The following NBPF14 variants were observed in gnomAD, a reference collection of about 807,000 sequenced individuals.
The protein encoded by NBPF14 is NBPF member 14.
A neutral mutation model predicts 91.2 loss-of-function variants in NBPF14; 104 were observed. That is an observed-to-expected ratio of 1.14 (90% CI 0.97 to 1.34). The LOEUF (loss-of-function observed/expected upper bound fraction) is 1.34, where lower values mean the gene tolerates loss of function less well. NBPF14 is among the 40% of genes most tolerant of loss of function. The pLI is 0.00. For synonymous variants in NBPF14, 294 were observed against 303.8 expected (o/e 0.97, Z 0.34); for missense variants, 908 against 783.0 (o/e 1.16, Z -1.91).
intron 64 of NBPF14, among the ~76,000 whole-genome samples, 193 bp from the exon 65 acceptor site, chr1:148,538,199 G>A (rs1655335567): frequency 7.7e-5 from 4 of 51,710 alleles, no homozygotes; most frequent in Non-Finnish European, 1.5e-4. Context: ...GAGAAAGACA[G>A]ATAGACACAC....
In NBPF14 at chr1:148,587,422, A is replaced by G. The variant is rs1386112024; in HGVS notation, c.989-19T>C. ...TCATATTCTGAGAAAAGACAGACACACCTACCTCAGTGGAAGGCTGGACAT... is the reference window on the plus strand; with the variant it reads ...TCATATTCTGAGAAAAGACAGACACGCCTACCTCAGTGGAAGGCTGGACAT... On this transcript the variant is annotated intron_variant, in intron 7 of 70. Coordinates refer to ENST00000619423, the Ensembl canonical transcript of NBPF14. 8.9e-6 allele frequency: 14 copies of G among 1,565,154 alleles called. No homozygotes were observed. Among genetic ancestry groups the G allele is most frequent in the Admixed American group, 5.1e-5 (3 of 59,166 alleles).
intron 8 of NBPF14, among the ~76,000 whole-genome samples, chr1:148,586,855 G>C (rs1485957203): frequency 3.2e-4 from 44 of 139,674 alleles, no homozygotes; most frequent in African/African-American, 1.1e-3. Context: ...ATGAGGCCAG[G>C]TGCAGATGGG....
chr1:148,561,786 C>T (rs1396365125), intron 34 of NBPF14, among the ~76,000 whole-genome samples: 4 of 116,484 alleles, frequency 3.4e-5, no homozygotes, highest in African/African-American at 1.5e-4. Context: ...GACACACACA[C>T]ACACACACAC....
At chr1:148,560,275 A>T (rs1657586672) in intron 36 of NBPF14, among the ~76,000 whole-genome samples, 1 of 144,902 alleles carries the variant, frequency 6.9e-6, no homozygotes, top group Non-Finnish European at 1.5e-5. Context: ...TGCCCTCATG[A>T]CACACAGCAA....
At chr1:148,561,784 C>A (rs1314754134) in intron 34 of NBPF14, among the ~76,000 whole-genome samples, 1 of 118,790 alleles carries the variant, frequency 8.4e-6, no homozygotes, top group South Asian at 2.8e-4. Context: ...TAGACACACA[C>A]ACACACACAC....
chr1:148,534,549 C>A (rs1282274707), intron 69 of NBPF14, 135 bp downstream of exon 69: 74 of 716,716 alleles, frequency 1.0e-4, no homozygotes, highest in Middle Eastern at 7.2e-4. Context: ...AGTTTCATTA[C>A]AACCTATATG....
chr1:148,595,356 T>C (rs1663151074), intron 2 of NBPF14, among the ~76,000 whole-genome samples, 187 bp downstream of exon 2: 1 of 148,336 alleles, frequency 6.7e-6, no homozygotes, highest in Admixed American at 6.7e-5. Context: ...ATTGCAAACA[T>C]GGAAAGTTGC....
chr1:148,538,005 G>C lies in NBPF14; in HGVS notation c.7936C>G (p.Leu2646Val), dbSNP rs1310601323. The C allele has an allele frequency of 3.2e-5, 11 of 342,822 alleles. 1 individual carries two copies. In the East Asian group the frequency reaches 9.1e-4, roughly 28 times the overall value. The allele number at this position is 342,822 out of a possible 1,614,324, so 21.2% of individuals were successfully genotyped here. A position where few individuals can be genotyped will look rare whatever the true frequency, so the allele number is the denominator to read the frequency against. The change falls in exon 65 of 71, where the codon CTC becomes GTC. Residue 2646 changes from leucine to valine, a missense_variant and splice_region_variant. Physicochemically the swap from Leu to Val is conservative, Grantham distance 32 (BLOSUM62 1). Around this residue, in one of 13 missense-constraint regions of NBPF14, gnomAD observed 279 missense variants for 107.7 expected, o/e 2.59. Transcript: ENST00000619423. Reference sequence around the variant, plus strand: ...ACTACCTCCAGGAGCTCCCTGCTGAGCCTGGAAAAGGAGGAAAAAGTAAAG... The same window carrying C: ...ACTACCTCCAGGAGCTCCCTGCTGACCCTGGAAAAGGAGGAAAAAGTAAAG...
chr1:148,593,893 G>A (rs1307271567), intron 2 of NBPF14, among the ~76,000 whole-genome samples, 193 bp from the exon 3 acceptor site: 6 of 149,864 alleles, frequency 4.0e-5, no homozygotes, highest in South Asian at 2.1e-4. Context: ...ATTTAAAGAC[G>A]AAGAAAGAGA....
Position 148,559,841 on chromosome 1 carries a change from A to G in NBPF14, c.4681T>C (p.Phe1561Leu), listed in dbSNP as rs1657397364. The G allele has an allele frequency of 8.5e-6, 13 of 1,530,478 alleles. 3 individuals carry two copies. In the East Asian group the frequency reaches 2.7e-4, roughly 32 times the overall value. The allele number at this position is 1,530,478 out of a possible 1,614,324, so 94.8% of individuals were successfully genotyped here. The change falls in exon 37 of 71, where the codon TTT (phenylalanine) becomes CTT (leucine). Residue 1561 changes from phenylalanine (F) to leucine (L), a missense_variant. Phe to Leu is a conservative substitution (Grantham distance 22, BLOSUM62 0). Transcript: ENST00000619423. ...ACACGCTGCTGCTCCAATATGTAAAAGGCACTTCTATAGGGCTGGCATGAG... is the reference window on the plus strand; with the variant it reads ...ACACGCTGCTGCTCCAATATGTAAAGGGCACTTCTATAGGGCTGGCATGAG...
In NBPF14 at chr1:148,579,106, TC is replaced by T; in HGVS notation, c.1768del (p.Glu590AsnfsTer10). The stretch of plus-strand genomic sequence containing the variant: ...GTCAACAGCCATGCAGACTTGCTGT[TC>T]CTCTAATGAGTGAAATGTGCTGCTG... On this transcript the variant is annotated frameshift_variant, in exon 13 of 71. Coordinates refer to ENST00000619423, the Ensembl canonical transcript of NBPF14. LOFTEE classifies it high-confidence loss of function. The T allele has an allele frequency of 7.9e-6, 4 of 506,346 alleles. No homozygotes were observed. Among genetic ancestry groups the T allele is most frequent in the Non-Finnish European group, 1.4e-5 (4 of 291,930 alleles). 31.4% of individuals were successfully genotyped at this position (506,346 alleles called of 1,614,324 possible). A position where few individuals can be genotyped will look rare whatever the true frequency, so the allele number is the denominator to read the frequency against.
Position 148,539,215 on chromosome 1 carries a change from G to C in NBPF14, c.7882+195C>G, listed in dbSNP as rs1484776593. Among the ~76,000 whole-genome samples, 5 of 96,922 alleles carry C rather than the reference G, an allele frequency of 5.2e-5. 2 individuals carry two copies. Among genetic ancestry groups the C allele is most frequent in the African/African-American group, 2.2e-4 (4 of 18,154 alleles). The allele number at this position is 96,922 out of a possible 152,430, so 63.6% of individuals were successfully genotyped here. ...CAGGCATGGCTGGAGACTAGGAATA[G>C]AGCCTTGCTCACTGACCCATTTCAT... On this transcript the variant is annotated intron_variant, in intron 63 of 70. Coordinates refer to ENST00000619423, the Ensembl canonical transcript of NBPF14.
At chr1:148,557,067 C>A (rs1162509050) in intron 40 of NBPF14, among the ~76,000 whole-genome samples, 3,394 of 115,952 alleles carry the variant, frequency 0.029, no homozygotes, top group Middle Eastern at 0.076. Context: ...TAGACACACA[C>A]ACACACACAC....
intron 34 of NBPF14, among the ~76,000 whole-genome samples, 196 bp from the exon 35 acceptor site, chr1:148,561,775 A>G (rs1374298391): frequency 4.9e-5 from 4 of 81,640 alleles, no homozygotes; most frequent in Non-Finnish European, 8.2e-5. Flanking sequence ...AAAGACAGAT[A>G]GACACACACA....
intron 8 of NBPF14, 34 bp downstream of exon 8, chr1:148,587,267 T>A (rs1266413812): frequency 5.9e-6 from 9 of 1,515,480 alleles, no homozygotes; most frequent in East Asian, 2.2e-5. Context: ...TTTACACACC[T>A]GCCCCCCTGC....
chr1:148,535,990 T>C (rs1655124157), intron 67 of NBPF14, among the ~76,000 whole-genome samples: 1 of 150,754 alleles, frequency 6.6e-6, no homozygotes, highest in African/African-American at 2.4e-5. Context: ...ATCTTGAGAG[T>C]AGGATTAGGG....
Position 148,534,963 on chromosome 1 carries a change from A to G in NBPF14, c.8442-107T>C. 3 of 740,822 alleles carry G rather than the reference A, an allele frequency of 4.0e-6. 1 individual carries two copies. The highest frequency in any genetic ancestry group is 5.1e-5 in the East Asian group (2 of 39,576). 45.9% of individuals were successfully genotyped at this position (740,822 alleles called of 1,614,324 possible). On this transcript the variant is annotated intron_variant, in intron 68 of 70. Transcript: ENST00000619423. ...AAGGAACAGTTTAAAAAGAAAAAGGACAGATCCATTAATGAGGTAACGAAT... is the reference window on the plus strand; with the variant it reads ...AAGGAACAGTTTAAAAAGAAAAAGGGCAGATCCATTAATGAGGTAACGAAT...
chr1:148,586,105 T>C lies in NBPF14; in HGVS notation c.1306+150A>G, dbSNP rs1661494796. Reference sequence around the variant, plus strand: ...CAACCCCATGGGTTTCCCATCTCCGTTCTTACCCAAGAAGTCCTGGTCATG... The same window carrying C: ...CAACCCCATGGGTTTCCCATCTCCGCTCTTACCCAAGAAGTCCTGGTCATG... On this transcript the variant is annotated intron_variant, in intron 9 of 70. Coordinates refer to ENST00000619423, the Ensembl canonical transcript of NBPF14. 3 of 603,532 alleles carry C rather than the reference T, an allele frequency of 5.0e-6. No individual in the cohort carries two copies. In the African/African-American group the frequency reaches 5.6e-5, roughly 11 times the overall value. 37.4% of individuals were successfully genotyped at this position (603,532 alleles called of 1,614,324 possible). A position where few individuals can be genotyped will look rare whatever the true frequency, so the allele number is the denominator to read the frequency against.
chr1:148,535,255 T>G (rs1241344653), intron 68 of NBPF14, among the ~76,000 whole-genome samples, 198 bp downstream of exon 68: 1 of 150,740 alleles, frequency 6.6e-6, no homozygotes, highest in Non-Finnish European at 1.5e-5. Context: ...ATGGTCAACC[T>G]ACAGTAAGTG....
Sources: allele counts gnomAD v4.1 joint callset (sites outside exome capture counted in the v4.1 genomes callset), GRCh38; gene constraint gnomAD v4.1.1; regional missense constraint gnomAD v4.1.1; transcripts MANE v1.5; gene names NCBI Gene and HGNC (gene_info 2026-07-23, HGNC 2026-07-21).